The following B4GALT6 variants were observed in gnomAD, a reference collection of about 807,000 sequenced individuals.
The protein encoded by B4GALT6 is beta-1,4-galactosyltransferase 6.
Under a neutral mutation model 46.3 loss-of-function variants are expected in B4GALT6, and 14 were observed. That is an observed-to-expected ratio of 0.30 (90% CI 0.20 to 0.47). B4GALT6 has a LOEUF of 0.47. B4GALT6 is among the 20% of genes least tolerant of loss of function. The pLI is 0.99. For missense variants in B4GALT6, 386 were observed against 480.1 expected (o/e 0.80, Z 1.83); for synonymous variants, 168 against 162.0 (o/e 1.04, Z -0.28).
the B4GALT6 span, among the ~76,000 whole-genome samples, chr18:31,714,898 A>G: frequency 1.3e-5 from 2 of 152,224 alleles, no homozygotes; most frequent in South Asian, 4.1e-4. Context: ...TCTCAAAAGC[A>G]GGTTGCTCAT....
At chr18:31,677,033 T>C (rs1036913946) in intron 1 of B4GALT6, among the ~76,000 whole-genome samples, 14 of 152,188 alleles carry the variant, frequency 9.2e-5, no homozygotes, top group Non-Finnish European at 1.9e-4. Context: ...TATACCACAA[T>C]TCATTTGGAC....
At chr18:31,697,587 A>C in the B4GALT6 span, among the ~76,000 whole-genome samples, 1 of 152,026 alleles carries the variant, frequency 6.6e-6, no homozygotes, top group Admixed American at 6.6e-5. Flanking sequence ...GTTTAGGGGG[A>C]ACTATTATCA....
chr18:31,669,618 C>T (rs185273925), intron 1 of B4GALT6, among the ~76,000 whole-genome samples: 3 of 151,686 alleles, frequency 2.0e-5, no homozygotes, highest in South Asian at 2.1e-4. Context: ...AGAAAAGAGA[C>T]GAAGAGAAAA....
chr18:31,672,030 C>A (rs1598923990), intron 1 of B4GALT6, among the ~76,000 whole-genome samples: 1 of 152,206 alleles, frequency 6.6e-6, no homozygotes, highest in South Asian at 2.1e-4. Context: ...AATTAAGGGA[C>A]ACATCTGCTA....
chr18:31,694,337 T>C, the B4GALT6 span, among the ~76,000 whole-genome samples: 4 of 152,190 alleles, frequency 2.6e-5, no homozygotes, highest in Non-Finnish European at 5.9e-5. Flanking sequence ...GATCAGTACA[T>C]ATAAAAAAGA....
At chr18:31,644,961 AC>A (rs1165798301) in intron 4 of B4GALT6, among the ~76,000 whole-genome samples, 1 of 152,228 alleles carries the variant, frequency 6.6e-6, no homozygotes, top group Non-Finnish European at 1.5e-5. Flanking sequence ...GTGAGTTCTC[AC>A]AATTCAGAAA....
chr18:31,681,614 G>C (rs1047768466), intron 1 of B4GALT6, among the ~76,000 whole-genome samples: 1 of 152,150 alleles, frequency 6.6e-6, no homozygotes, highest in Non-Finnish European at 1.5e-5. Context: ...GAAAACACTG[G>C]AAACTAAACA....
chr18:31,670,293 A>G (rs1443606774), intron 1 of B4GALT6, among the ~76,000 whole-genome samples: 1 of 152,052 alleles, frequency 6.6e-6, no homozygotes, highest in Non-Finnish European at 1.5e-5. Flanking sequence ...GAGCTCAGGC[A>G]ATCCGCCCGC....
chr18:31,667,451 G>A (rs942890691), intron 1 of B4GALT6, among the ~76,000 whole-genome samples: 1 of 152,174 alleles, frequency 6.6e-6, no homozygotes, highest in Non-Finnish European at 1.5e-5. Flanking sequence ...AATTAGGAAT[G>A]CTGACTAATT....
the B4GALT6 span, among the ~76,000 whole-genome samples, chr18:31,692,182 A>G: frequency 6.6e-6 from 1 of 152,194 alleles, no homozygotes; most frequent in African/African-American, 2.4e-5. Flanking sequence ...ACTACCGTAA[A>G]CATATGCACA....
At chr18:31,652,790 T>C (rs889763137) in intron 3 of B4GALT6, among the ~76,000 whole-genome samples, 6 of 152,134 alleles carry the variant, frequency 3.9e-5, no homozygotes, top group Non-Finnish European at 7.4e-5. Context: ...CCTTCTCCTC[T>C]CTCCAACGCC....
chr18:31,651,319 C>T (rs77324620), intron 3 of B4GALT6, among the ~76,000 whole-genome samples: 2 of 152,208 alleles, frequency 1.3e-5, no homozygotes, highest in African/African-American at 4.8e-5. Flanking sequence ...GGTGGCAATA[C>T]CTAACATATT....
At chr18:31,651,284 G>A (rs2074063801) in intron 3 of B4GALT6, among the ~76,000 whole-genome samples, 1 of 152,098 alleles carries the variant, frequency 6.6e-6, no homozygotes, top group Non-Finnish European at 1.5e-5. Flanking sequence ...AAGCACGTAA[G>A]CATATAGATT....
chr18:31,648,049 T>G (rs1313918191), intron 3 of B4GALT6, among the ~76,000 whole-genome samples: 8 of 152,162 alleles, frequency 5.3e-5, no homozygotes, highest in Admixed American at 5.2e-4. Flanking sequence ...AATGTCCTTC[T>G]TGTAAAGAAG....
At chr18:31,657,296 A>G (rs2074152182) in intron 3 of B4GALT6, among the ~76,000 whole-genome samples, 1 of 152,162 alleles carries the variant, frequency 6.6e-6, no homozygotes, top group Admixed American at 6.5e-5. Context: ...GGTAAATGAG[A>G]TGTGATACAT....
intron 3 of B4GALT6, among the ~76,000 whole-genome samples, chr18:31,650,121 C>T (rs1260074127): frequency 6.6e-6 from 1 of 152,222 alleles, no homozygotes; most frequent in African/African-American, 2.4e-5. Context: ...ACTCCCCTCC[C>T]ATGAAGTCCC....
chr18:31,626,554 A>G (rs1598860101), intron 7 of B4GALT6, among the ~76,000 whole-genome samples, 170 bp from the exon 8 acceptor site: 1 of 152,322 alleles, frequency 6.6e-6, no homozygotes, highest in East Asian at 1.9e-4. Flanking sequence ...GCACAGCAGG[A>G]GGTGAGCGAT....
intron 6 of B4GALT6, among the ~76,000 whole-genome samples, chr18:31,630,065 GGAA>G (rs2073764673): frequency 7.5e-6 from 1 of 133,202 alleles, no homozygotes; most frequent in Non-Finnish European, 1.6e-5. Context: ...GGGGGGAGGG[GGAA>G]GAAGGGGAGC....
chr18:31,640,463 T>C (rs750801818), intron 4 of B4GALT6, among the ~76,000 whole-genome samples: 42 of 152,220 alleles, frequency 2.8e-4, no homozygotes, highest in Non-Finnish European at 1.6e-4. Context: ...AAATTGAAGA[T>C]GTCTAAACTA....
Sources: allele counts gnomAD v4.1 joint callset (sites outside exome capture counted in the v4.1 genomes callset), GRCh38; gene constraint gnomAD v4.1.1; transcripts MANE v1.5; gene names NCBI Gene and HGNC (gene_info 2026-07-23, HGNC 2026-07-21).